COL18A1: variants seen among roughly 807,000 people sequenced by gnomAD.
COL18A1 encodes collagen type XVIII alpha 1 chain, also known as collagen alpha-1(XVIII) chain.
COL18A1 carries 133 observed loss-of-function variants against 168.0 expected under a neutral mutation model. That is an observed-to-expected ratio of 0.79 (90% CI 0.69 to 0.91). The LOEUF (loss-of-function observed/expected upper bound fraction) is 0.91, where lower values mean the gene tolerates loss of function less well. Ranked by LOEUF, COL18A1 falls within the 40% of genes least tolerant of loss-of-function variation. The pLI, the probability that COL18A1 is intolerant of heterozygous loss-of-function variation, is 0.00. For synonymous variants in COL18A1, 949 were observed against 809.0 expected, an observed-to-expected ratio of 1.17 and a Z score of -2.94; for missense variants, 2,126 against 1,925.4, an observed-to-expected ratio of 1.10 and a Z score of -1.95.
At chr21:45,421,350 C>T (rs1602346227) in intron 2 of COL18A1, 1 of 516,666 alleles carries the variant, frequency 1.9e-6, no homozygotes, top group Non-Finnish European at 4.0e-6. Context: ...CCCAGAACCA[C>T]AGGCCTCAGG....
At chr21:45,488,222 TGA>T (rs2036182862) in intron 17 of COL18A1, among the ~76,000 whole-genome samples, 194 bp from the exon 18 acceptor site, 1 of 152,258 alleles carries the variant, frequency 6.6e-6, no homozygotes, top group Admixed American at 6.5e-5. Context: ...GCAAAACGAA[TGA>T]GAAATTTCAA....
intron 3 of COL18A1, among the ~76,000 whole-genome samples, chr21:45,470,835 T>C (rs1023393305): frequency 1.3e-4 from 20 of 152,140 alleles, no homozygotes; most frequent in African/African-American, 4.3e-4. Flanking sequence ...GAAGACACCA[T>C]GACTTACAAC....
intron 2 of COL18A1, among the ~76,000 whole-genome samples, chr21:45,442,661 GGGCGGC>G (rs1261346958): frequency 3.2e-4 from 45 of 139,792 alleles, no homozygotes; most frequent in Non-Finnish European, 5.5e-4. Context: ...GTGCTGGTGT[GGGCGGC>G]GGTCCTGGTG....
intron 2 of COL18A1, among the ~76,000 whole-genome samples, chr21:45,415,503 T>C (rs998288870): frequency 2.0e-5 from 3 of 152,230 alleles, no homozygotes; most frequent in South Asian, 2.1e-4. Flanking sequence ...GGCAGGACCA[T>C]GCGCAGGGGC....
intron 12 of COL18A1, 89 bp downstream of exon 12, chr21:45,480,609 G>T: frequency 1.9e-6 from 3 of 1,613,008 alleles, no homozygotes; most frequent in South Asian, 1.1e-5. Flanking sequence ...GGGGTCCTGT[G>T]GGGGGTGGGG....
In COL18A1 at chr21:45,477,385, G is replaced by C. The variant is rs777257211; in HGVS notation, c.929-26G>C. The C allele has an allele frequency of 3.1e-6, 5 of 1,601,102 alleles. No homozygotes were observed. In the Admixed American group the frequency reaches 6.8e-5, roughly 22 times the overall value. ...CTGGGGCCACCCGGGGGGCGTGACC[G>C]TGGCCACCTCTGCTTCTCTTCCCAG... On this transcript the variant is annotated intron_variant, in intron 6 of 41. Coordinates refer to ENST00000651438, the MANE Select transcript of COL18A1 (RefSeq NM_001379500.1).
At chr21:45,456,464 G>A in intron 2 of COL18A1, 2 of 1,545,356 alleles carry the variant, frequency 1.3e-6, no homozygotes, top group African/African-American at 1.4e-5. Flanking sequence ...GGCTAACTCT[G>A]TGGGGCCGGG....
intron 2 of COL18A1, among the ~76,000 whole-genome samples, chr21:45,435,080 G>A (rs974356012): frequency 2.0e-5 from 3 of 151,928 alleles, no homozygotes; most frequent in Admixed American, 6.6e-5. Flanking sequence ...CTGCTTTCTC[G>A]CAGCCCTGGT....
At chr21:45,496,984 C>A in intron 30 of COL18A1, 66 bp from the exon 31 acceptor site, 1 of 1,117,730 alleles carries the variant, frequency 8.9e-7, no homozygotes, top group East Asian at 2.3e-5. Flanking sequence ...TTGGGGACCC[C>A]TGAGTGGTGG....
At chr21:45,453,123 G>A (rs1237195604) in intron 2 of COL18A1, among the ~76,000 whole-genome samples, 1 of 150,900 alleles carries the variant, frequency 6.6e-6, no homozygotes, top group Non-Finnish European at 1.5e-5. Context: ...TATGTGTGTG[G>A]GCTTGTGTAT....
Position 45,466,105 on chromosome 21 carries a change from G to T in COL18A1, c.107-2137G>T, listed in dbSNP as rs1229102521. Among the ~76,000 whole-genome samples, 3 of 152,170 alleles carry T rather than the reference G, an allele frequency of 2.0e-5. No homozygotes were observed. The East Asian group carries it at 5.8e-4, about 29-fold the overall frequency. Reference sequence around the variant, plus strand: ...GAGGGTCCTGGAAAGTCCGGCTTCTGGGAGAGGGCGCTTTGGCTCAGAGGC... The same window carrying T: ...GAGGGTCCTGGAAAGTCCGGCTTCTTGGAGAGGGCGCTTTGGCTCAGAGGC... On this transcript the variant is annotated intron_variant, in intron 2 of 41. Transcript: ENST00000651438.
At chr21:45,480,615 T>G (rs1602498953) in intron 12 of COL18A1, 85 bp from the exon 13 acceptor site, 2 of 1,611,332 alleles carry the variant, frequency 1.2e-6, no homozygotes, top group African/African-American at 1.3e-5. Flanking sequence ...CTGTGGGGGG[T>G]GGGGATGAGG....
intron 2 of COL18A1, among the ~76,000 whole-genome samples, chr21:45,438,239 C>T (rs1022881952): frequency 8.3e-6 from 1 of 120,092 alleles, no homozygotes; most frequent in South Asian, 2.8e-4. Context: ...GACACACAGG[C>T]ACTCTCCTGC....
rs530848809 is a variant in COL18A1, at chr21:45,456,091, C to T, written c.107-12151C>T. ...GCGCCCACACAACCGAGGCTGGCACCTTGCCTGCACCCACCCCATCGCCTC... is the reference window on the plus strand; with the variant it reads ...GCGCCCACACAACCGAGGCTGGCACTTTGCCTGCACCCACCCCATCGCCTC... On this transcript the variant is annotated intron_variant, in intron 2 of 41. Coordinates refer to ENST00000651438, the MANE Select transcript of COL18A1 (RefSeq NM_001379500.1). The T allele has an allele frequency of 2.1e-5, 33 of 1,596,282 alleles. No individual in the cohort carries two copies. The South Asian group carries it at 3.5e-4, about 17-fold the overall frequency.
chr21:45,506,550 C>A, intron 37 of COL18A1: 1 of 196,552 alleles, frequency 5.1e-6, no homozygotes, highest in Non-Finnish European at 1.1e-5. Context: ...CCGCTCTGAT[C>A]CAGGTGGGTG....
At position 45,487,521 on chromosome 21, in the gene COL18A1, A is replaced by G. The variant is rs2145967525; in HGVS notation, c.1896+12A>G. 1 of 1,612,456 alleles carries G rather than the reference A, an allele frequency of 6.2e-7. No individual in the cohort carries two copies. Among genetic ancestry groups the G allele is most frequent in the Admixed American group, 1.7e-5 (1 of 60,034 alleles). The stretch of plus-strand genomic sequence containing the variant: ...CTGATGGGCCACAGGTAGTGTTGTG[A>G]GCTGGGCGTGGCCGGCTCTGAGGGG... On this transcript the variant is annotated intron_variant, in intron 17 of 41. Coordinates refer to ENST00000651438, the MANE Select transcript of COL18A1 (RefSeq NM_001379500.1).
intron 2 of COL18A1, chr21:45,421,746 G>A: frequency 2.6e-6 from 1 of 389,036 alleles, no homozygotes; most frequent in South Asian, 1.9e-5. Context: ...CCACCTCCCA[G>A]GCAGTAGGCA....
intron 2 of COL18A1, among the ~76,000 whole-genome samples, chr21:45,427,776 C>A (rs767218153): frequency 6.6e-6 from 1 of 152,200 alleles, no homozygotes; most frequent in Non-Finnish European, 1.5e-5. Flanking sequence ...GACTCCCATG[C>A]GCCCTGGCCC....
At chr21:45,507,854 C>T (rs185987207) in intron 38 of COL18A1, among the ~76,000 whole-genome samples, 190 of 152,330 alleles carry the variant, frequency 1.2e-3, no homozygotes, top group African/African-American at 4.3e-3. Context: ...TTGTGTCTGC[C>T]GCTCATTGCC....
Sources: allele counts gnomAD v4.1 joint callset (sites outside exome capture counted in the v4.1 genomes callset), GRCh38; gene constraint gnomAD v4.1.1; transcripts MANE v1.5; gene names NCBI Gene and HGNC (gene_info 2026-07-23, HGNC 2026-07-21).